Variants in LRRC9 observed in about 807,000 individuals in gnomAD.
LRRC9 encodes leucine rich repeat containing 9, also known as leucine-rich repeat-containing protein 9.
LRRC9 carries 122 observed loss-of-function variants against 63.2 expected under a neutral mutation model. The observed-to-expected ratio is 1.93, with a 90% CI of 1.67 to 2.24. The LOEUF (loss-of-function observed/expected upper bound fraction) is 2.24, where lower values mean the gene tolerates loss of function less well. Ranked by LOEUF, LRRC9 falls within the 30% of genes most tolerant of loss-of-function variation. The pLI, the probability that LRRC9 is intolerant of heterozygous loss-of-function variation, is 0.00. For missense variants in LRRC9, 1,071 were observed against 627.7 expected, an observed-to-expected ratio of 1.71 and a Z score of -7.55; for synonymous variants, 366 against 213.1, an observed-to-expected ratio of 1.72 and a Z score of -6.25.
chr14:60,012,200 CTTTAT>C (rs972065868), intron 23 of LRRC9, among the ~76,000 whole-genome samples: 3 of 152,002 alleles, frequency 2.0e-5, no homozygotes, highest in African/African-American at 7.2e-5. Context: ...AGTTCAAATC[CTTTAT>C]TTTATGTATG....
intron 28 of LRRC9, among the ~76,000 whole-genome samples, chr14:60,029,196 G>A (rs1054522731): frequency 2.0e-5 from 3 of 152,042 alleles, no homozygotes; most frequent in African/African-American, 7.2e-5. Flanking sequence ...AAAAAAGACT[G>A]TCAAATCAGA....
At chr14:60,024,667 C>A (rs775612280) in intron 27 of LRRC9, among the ~76,000 whole-genome samples, 4 of 151,772 alleles carry the variant, frequency 2.6e-5, no homozygotes, top group Non-Finnish European at 5.9e-5. Context: ...AATGACAGAT[C>A]TTTTTTTAAA....
At chr14:59,933,066 T>C (rs1282621157) in intron 6 of LRRC9, among the ~76,000 whole-genome samples, 1 of 152,160 alleles carries the variant, frequency 6.6e-6, no homozygotes, top group Non-Finnish European at 1.5e-5. Flanking sequence ...ACAGTAATCT[T>C]ATGGCCTTTG....
intron 29 of LRRC9, among the ~76,000 whole-genome samples, chr14:60,035,893 A>G (rs1892388938): frequency 6.6e-6 from 1 of 152,152 alleles, no homozygotes; most frequent in South Asian, 2.1e-4. Flanking sequence ...GATTGCACTG[A>G]ATATGTAAAT....
In LRRC9 at chr14:59,936,173, A is replaced by T. The variant is rs1018061955; in HGVS notation, c.544-2217A>T. 6.6e-6 allele frequency among the ~76,000 whole-genome samples: 1 copy of T among 152,192 alleles called. No individual in the cohort carries two copies. Among genetic ancestry groups the T allele is most frequent in the Non-Finnish European group, 1.5e-5 (1 of 68,028 alleles). The stretch of plus-strand genomic sequence containing the variant: ...ATTTTATTACCATTACTTTAATTAC[A>T]TTGAACTGCTGTATTTCAGTATCTT... On this transcript the variant is annotated intron_variant, in intron 6 of 31. Transcript: ENST00000445360. The surrounding 1 kb of genome is among the most constrained non-coding windows in gnomAD (Gnocchi z 4.2).
rs1270029518 is a variant in LRRC9, at chr14:60,004,033, A to G, written c.2842+235A>G. 1.3e-5 allele frequency among the ~76,000 whole-genome samples: 2 copies of G among 152,214 alleles called. No individual in the cohort carries two copies. The highest frequency in any genetic ancestry group is 2.4e-5 in the African/African-American group (1 of 41,464). On this transcript the variant is annotated intron_variant, in intron 21 of 31. Transcript: ENST00000445360. The surrounding 1 kb of genome is among the most constrained non-coding windows in gnomAD (Gnocchi z 4.8). Reference sequence around the variant, plus strand: ...ACATCATGTTGTACAAGATAAATGGATACAATATTATCTGTCAAATTAAAA... The same window carrying G: ...ACATCATGTTGTACAAGATAAATGGGTACAATATTATCTGTCAAATTAAAA...
At chr14:60,066,145 G>A (rs1894880290), downstream of LRRC9, among the ~76,000 whole-genome samples, 2 of 151,370 alleles carry the variant, frequency 1.3e-5, no homozygotes, top group South Asian at 4.2e-4. Context: ...TCTAGTCTTA[G>A]ATTTTTCTGA....
At chr14:59,944,268 T>C (rs1566796384) in intron 7 of LRRC9, among the ~76,000 whole-genome samples, 1 of 151,990 alleles carries the variant, frequency 6.6e-6, no homozygotes, top group Non-Finnish European at 1.5e-5. Context: ...TTTGCTCTAA[T>C]TGTACTACCT....
intron 8 of LRRC9, among the ~76,000 whole-genome samples, chr14:59,952,860 CA>C (rs1883320640): frequency 6.6e-6 from 1 of 152,060 alleles, no homozygotes; most frequent in African/African-American, 2.4e-5. Flanking sequence ...TCCCTGTGTC[CA>C]AGTGTTTTCA....
At chr14:60,021,162 C>T (rs946527557) in intron 26 of LRRC9, among the ~76,000 whole-genome samples, 1 of 151,864 alleles carries the variant, frequency 6.6e-6, no homozygotes, top group Non-Finnish European at 1.5e-5. Context: ...CTTGTTATTG[C>T]CCATCTTTTA....
chr14:60,024,561 A>C (rs1185346076), intron 27 of LRRC9, among the ~76,000 whole-genome samples: 1 of 152,100 alleles, frequency 6.6e-6, no homozygotes, highest in Non-Finnish European at 1.5e-5. Flanking sequence ...GCCTTTCTAG[A>C]CCATATTTTT....
At chr14:59,991,585 G>C (rs1252867029) in intron 17 of LRRC9, among the ~76,000 whole-genome samples, 2 of 152,196 alleles carry the variant, frequency 1.3e-5, no homozygotes, top group Non-Finnish European at 2.9e-5. Context: ...AGGGGTGACA[G>C]ACGGCACCTG....
chr14:59,921,941 G>T (rs1016046720), intron 1 of LRRC9, among the ~76,000 whole-genome samples: 1 of 151,774 alleles, frequency 6.6e-6, no homozygotes, highest in African/African-American at 2.4e-5. Context: ...AAAATTAGCC[G>T]GGTGTGATGG....
At chr14:60,022,455 T>C (rs1210445033) in intron 26 of LRRC9, among the ~76,000 whole-genome samples, 1 of 151,836 alleles carries the variant, frequency 6.6e-6, no homozygotes, top group Non-Finnish European at 1.5e-5. Flanking sequence ...TTTTATTTAC[T>C]CCTTTCCAAT....
intron 12 of LRRC9, among the ~76,000 whole-genome samples, chr14:59,971,556 C>T (rs2140031427): frequency 6.6e-6 from 1 of 152,096 alleles, no homozygotes. Context: ...TTCTTCCTGT[C>T]CATGAGCATG....
intron 17 of LRRC9, among the ~76,000 whole-genome samples, chr14:59,993,175 G>T (rs975949119): frequency 1.3e-5 from 2 of 152,166 alleles, no homozygotes; most frequent in Non-Finnish European, 2.9e-5. Context: ...TTAAAGAAAA[G>T]AATTTTCAAC....
chr14:59,949,502 A>G (rs1159418537), intron 8 of LRRC9, among the ~76,000 whole-genome samples: 4 of 149,572 alleles, frequency 2.7e-5, no homozygotes, highest in African/African-American at 9.9e-5. Flanking sequence ...TTGTGTCTCT[A>G]TTTCCTTCAG....
chr14:60,031,367 T>C lies in LRRC9; in HGVS notation c.3922-628T>C, dbSNP rs219408. On this transcript the variant is annotated intron_variant, in intron 28 of 31. Coordinates refer to ENST00000445360, the Ensembl canonical transcript of LRRC9. This position sits in a 1 kb window ranked among gnomAD's most constrained non-coding sequence, Gnocchi z 4.6. ...GTGTTATATGAACTAGCAACAACCT[T>C]AGGCTGAGCTTGTTGGCTAAAGTTT... Among the ~76,000 whole-genome samples, 113,370 of 151,954 alleles carry C rather than the reference T, an allele frequency of 0.75. 44,424 individuals carry two copies. Among genetic ancestry groups the C allele is most frequent in the Non-Finnish European group, 0.87 (58,931 of 67,882 alleles).
intron 29 of LRRC9, among the ~76,000 whole-genome samples, chr14:60,034,874 G>A (rs1162781981): frequency 6.6e-6 from 1 of 152,126 alleles, no homozygotes; most frequent in Admixed American, 6.6e-5. Flanking sequence ...GTAGTGGAAT[G>A]GCTGGATCAC....
Sources: allele counts gnomAD v4.1 joint callset (sites outside exome capture counted in the v4.1 genomes callset), GRCh38; gene constraint gnomAD v4.1.1; non-coding constraint Gnocchi (gnomAD v3.1); transcripts MANE v1.5; gene names NCBI Gene and HGNC (gene_info 2026-07-23, HGNC 2026-07-21).